Variants in DOCK2 observed in about 807,000 individuals in gnomAD.
The protein encoded by DOCK2 is dedicator of cytokinesis protein 2.
A neutral mutation model predicts 248.9 loss-of-function variants in DOCK2; 87 were observed. The ratio of observed to expected loss-of-function variants is 0.35; its 90% CI spans 0.29 to 0.42. The LOEUF (loss-of-function observed/expected upper bound fraction) is 0.42. Ranked by LOEUF, DOCK2 falls within the 10% of genes least tolerant of loss-of-function variation. DOCK2 has a pLI of 1.00. For missense variants in DOCK2, 1,747 were observed against 2,300.2 expected (o/e 0.76, Z 4.92); for synonymous variants, 805 against 821.6 (o/e 0.98, Z 0.35).
intron 25 of DOCK2, among the ~76,000 whole-genome samples, chr5:169,776,717 T>A (rs1581172960): frequency 6.6e-6 from 1 of 152,154 alleles, no homozygotes; most frequent in South Asian, 2.1e-4. Flanking sequence ...GTTTTCCCCA[T>A]GCTGTTCTCA....
intron 27 of DOCK2, among the ~76,000 whole-genome samples, chr5:169,969,993 T>C (rs1040582511): frequency 6.6e-6 from 1 of 152,272 alleles, no homozygotes; most frequent in Non-Finnish European, 1.5e-5. Flanking sequence ...AAACCAAGCA[T>C]TTCTGTGGGC....
At chr5:169,828,974 C>T (rs529442025) in intron 26 of DOCK2, among the ~76,000 whole-genome samples, 22 of 152,252 alleles carry the variant, frequency 1.4e-4, no homozygotes, top group Admixed American at 1.3e-3. Flanking sequence ...GGGGGCAGCT[C>T]CGAGTGGATT....
At chr5:169,672,736 T>C (rs1020367897) in intron 5 of DOCK2, among the ~76,000 whole-genome samples, 2 of 152,208 alleles carry the variant, frequency 1.3e-5, no homozygotes, top group East Asian at 1.9e-4. Context: ...TGAACTTCTG[T>C]TGGACTTGGC....
At chr5:170,058,297 T>A (rs1431665641) in intron 44 of DOCK2, among the ~76,000 whole-genome samples, 1 of 152,204 alleles carries the variant, frequency 6.6e-6, no homozygotes, top group Admixed American at 6.5e-5. Context: ...TATTCATTCA[T>A]TCAGAAAATA....
intron 6 of DOCK2, among the ~76,000 whole-genome samples, chr5:169,678,350 G>A (rs1301178874): frequency 1.3e-5 from 2 of 151,308 alleles, no homozygotes; most frequent in Non-Finnish European, 2.9e-5. Flanking sequence ...TGCAACATCC[G>A]CCTCCCAGGT....
chr5:169,710,552 G>A (rs1227052941), intron 15 of DOCK2, among the ~76,000 whole-genome samples: 1 of 152,090 alleles, frequency 6.6e-6, no homozygotes, highest in Admixed American at 6.5e-5. Context: ...AACCTGCATT[G>A]GAATAAGGAT....
chr5:170,041,538 T>C (rs1337554090), intron 37 of DOCK2, among the ~76,000 whole-genome samples: 1 of 152,186 alleles, frequency 6.6e-6, no homozygotes, highest in East Asian at 1.9e-4. Context: ...GGGTTCAATG[T>C]AAATATCTAC....
chr5:170,047,460 T>A, intron 39 of DOCK2, 50 bp from the exon 40 acceptor site: 2 of 1,546,018 alleles, frequency 1.3e-6, no homozygotes, highest in Non-Finnish European at 1.8e-6. Flanking sequence ...GAGTTGAATG[T>A]GCCTTTGATA....
chr5:169,752,024 A>G (rs751183691), intron 23 of DOCK2, among the ~76,000 whole-genome samples: 3 of 152,224 alleles, frequency 2.0e-5, no homozygotes, highest in Non-Finnish European at 2.9e-5. Context: ...GGTTTAGGCC[A>G]GGGATTCCCA....
chr5:170,061,101 T>C (rs1757312629), intron 44 of DOCK2, among the ~76,000 whole-genome samples: 1 of 152,182 alleles, frequency 6.6e-6, no homozygotes, highest in Non-Finnish European at 1.5e-5. Context: ...TTCTCTTTCA[T>C]CTTATGTTCC....
chr5:169,935,189 C>T (rs936537061), intron 27 of DOCK2, among the ~76,000 whole-genome samples: 9 of 152,202 alleles, frequency 5.9e-5, no homozygotes, highest in African/African-American at 1.9e-4. Context: ...AGACAGTCTG[C>T]AGAGCAGCAT....
At chr5:169,777,609 G>C (rs996714127) in intron 25 of DOCK2, among the ~76,000 whole-genome samples, 1 of 152,254 alleles carries the variant, frequency 6.6e-6, no homozygotes, top group East Asian at 1.9e-4. Context: ...TCAGAATAAG[G>C]GGCTGGATCA....
chr5:170,067,076 C>A (rs1757516252), intron 44 of DOCK2, among the ~76,000 whole-genome samples: 1 of 152,146 alleles, frequency 6.6e-6, no homozygotes, highest in African/African-American at 2.4e-5. Flanking sequence ...GAACAGTGAA[C>A]CCCTCTAACA....
intron 27 of DOCK2, among the ~76,000 whole-genome samples, chr5:169,856,221 G>A (rs1352533463): frequency 6.6e-6 from 1 of 152,152 alleles, no homozygotes; most frequent in African/African-American, 2.4e-5. Flanking sequence ...GCATTTGGAT[G>A]GGTTCAAAAG....
At chr5:170,038,400 T>G (rs1274198451) in intron 36 of DOCK2, among the ~76,000 whole-genome samples, 2 of 152,238 alleles carry the variant, frequency 1.3e-5, no homozygotes, top group African/African-American at 4.8e-5. Flanking sequence ...CAGGGTATAG[T>G]CTGAAAATCT....
At chr5:169,882,560 T>C in intron 27 of DOCK2, 1 of 1,544,746 alleles carries the variant, frequency 6.5e-7, no homozygotes, top group Non-Finnish European at 8.8e-7. Context: ...TACCCTTCAG[T>C]GAGAGCTCGA....
intron 27 of DOCK2, among the ~76,000 whole-genome samples, chr5:169,970,065 T>C (rs1425503719): frequency 6.6e-6 from 1 of 152,212 alleles, no homozygotes; most frequent in East Asian, 1.9e-4. Context: ...AAGTGAAGCC[T>C]CCCATGTCCC....
intron 27 of DOCK2, among the ~76,000 whole-genome samples, chr5:169,910,016 T>C (rs1006024784): frequency 1.3e-5 from 2 of 152,160 alleles, no homozygotes; most frequent in African/African-American, 4.8e-5. Context: ...TCAGGGTGCC[T>C]TTCTCTCAGC....
chr5:169,974,915 G>T (rs192967958), intron 27 of DOCK2, among the ~76,000 whole-genome samples: 2 of 152,000 alleles, frequency 1.3e-5, no homozygotes, highest in African/African-American at 4.8e-5. Flanking sequence ...AAAAACTGGG[G>T]TATCCTGAAT....
Sources: allele counts gnomAD v4.1 joint callset (sites outside exome capture counted in the v4.1 genomes callset), GRCh38; gene constraint gnomAD v4.1.1; transcripts MANE v1.5; gene names NCBI Gene and HGNC (gene_info 2026-07-23, HGNC 2026-07-21).